RFX4: variants seen among roughly 807,000 people sequenced by gnomAD.
RFX4 encodes the protein regulatory factor X4.
In RFX4, 10 loss-of-function variants were observed where a neutral mutation model predicts 95.0. The observed-to-expected ratio is 0.11, with a 90% CI of 0.06 to 0.18. The LOEUF is 0.18. Ranked by LOEUF, RFX4 falls within the 10% of genes least tolerant of loss-of-function variation. The pLI is 1.00. For missense variants in RFX4, 640 were observed against 922.0 expected, an observed-to-expected ratio of 0.69 and a Z score of 3.96; for synonymous variants, 321 against 340.7, an observed-to-expected ratio of 0.94 and a Z score of 0.64.
intron 8 of RFX4, among the ~76,000 whole-genome samples, chr12:106,708,875 T>C (rs1379584252): frequency 3.3e-5 from 5 of 152,200 alleles, no homozygotes; most frequent in Non-Finnish European, 7.3e-5. Flanking sequence ...TTTAAAAATA[T>C]GCTGTTGCTT....
At chr12:106,616,267 A>G (rs2040071596) in intron 2 of RFX4, among the ~76,000 whole-genome samples, 1 of 152,140 alleles carries the variant, frequency 6.6e-6, no homozygotes, top group Admixed American at 6.6e-5. Context: ...CATCGGTTGA[A>G]TTTTGAATGT....
intron 2 of RFX4, among the ~76,000 whole-genome samples, chr12:106,631,772 G>C (rs376536184): frequency 3.9e-5 from 6 of 152,228 alleles, no homozygotes; most frequent in African/African-American, 1.2e-4. Flanking sequence ...AGCCTGAATG[G>C]ATTAAAATGA....
chr12:106,685,857 T>C (rs1379044599), intron 5 of RFX4, among the ~76,000 whole-genome samples: 1 of 152,354 alleles, frequency 6.6e-6, no homozygotes, highest in East Asian at 1.9e-4. Flanking sequence ...TTGGTTATTT[T>C]ACAAATTAAT....
intron 3 of RFX4, among the ~76,000 whole-genome samples, chr12:106,642,282 T>C (rs2040649418): frequency 6.6e-6 from 1 of 151,348 alleles, no homozygotes; most frequent in Admixed American, 6.6e-5. Context: ...AGTGCTAGGA[T>C]TACAGGTGTG....
intron 4 of RFX4, among the ~76,000 whole-genome samples, chr12:106,660,477 G>A (rs2041049344): frequency 6.6e-6 from 1 of 151,816 alleles, no homozygotes; most frequent in Non-Finnish European, 1.5e-5. Context: ...TTGTCTTTCA[G>A]AAACTCTAAT....
chr12:106,695,839 G>A (rs547479962), intron 7 of RFX4, among the ~76,000 whole-genome samples: 8 of 152,244 alleles, frequency 5.3e-5, no homozygotes, highest in South Asian at 2.1e-4. Context: ...TTTTACCCGC[G>A]ACTCCCATAC....
At chr12:106,685,943 A>G (rs1232791723) in intron 5 of RFX4, among the ~76,000 whole-genome samples, 2 of 152,272 alleles carry the variant, frequency 1.3e-5, no homozygotes, top group South Asian at 2.1e-4. Context: ...TAAAATCTAA[A>G]CAAAATGCAG....
At chr12:106,685,004 T>G in intron 5 of RFX4, 2 of 1,576,058 alleles carry the variant, frequency 1.3e-6, no homozygotes, top group South Asian at 2.3e-5. Context: ...CAAAATGCCT[T>G]CTCATCTGTA....
chr12:106,666,720 T>C (rs1005821148), intron 4 of RFX4, among the ~76,000 whole-genome samples: 1 of 152,236 alleles, frequency 6.6e-6, no homozygotes, highest in Non-Finnish European at 1.5e-5. Flanking sequence ...TCTTAATTTC[T>C]GTTACAGTGT....
In RFX4 at chr12:106,745,109, C is replaced by T. The variant is rs1005865964; in HGVS notation, c.1634-2328C>T. 4.6e-5 allele frequency among the ~76,000 whole-genome samples: 7 copies of T among 152,144 alleles called. No homozygotes were observed. In the East Asian group the frequency reaches 1.2e-3, roughly 25 times the overall value. The stretch of plus-strand genomic sequence containing the variant: ...GAAGAATTTGGGCGGCATGTTTCAC[C>T]TCATTCTGAATTGCATTTTTTGCCT... On this transcript the variant is annotated intron_variant, in intron 15 of 17. Transcript: ENST00000392842.
At chr12:106,699,285 T>G (rs2041942564) in intron 8 of RFX4, among the ~76,000 whole-genome samples, 1 of 152,204 alleles carries the variant, frequency 6.6e-6, no homozygotes, top group Non-Finnish European at 1.5e-5. Flanking sequence ...TAGTAATATA[T>G]CAATTCTTTT....
chr12:106,617,550 C>G (rs1012815591), intron 2 of RFX4, among the ~76,000 whole-genome samples: 6 of 152,084 alleles, frequency 3.9e-5, no homozygotes, highest in African/African-American at 1.4e-4. Context: ...TCCTAATTGT[C>G]TTTCTGTTGT....
At chr12:106,623,107 C>T (rs1393847502) in intron 2 of RFX4, among the ~76,000 whole-genome samples, 2 of 142,930 alleles carry the variant, frequency 1.4e-5, no homozygotes, top group Admixed American at 7.4e-5. Flanking sequence ...GGCATGAAAT[C>T]GGCTCACTGC....
At chr12:106,713,255 C>T (rs992952225) in intron 10 of RFX4, among the ~76,000 whole-genome samples, 2 of 152,216 alleles carry the variant, frequency 1.3e-5, no homozygotes, top group African/African-American at 2.4e-5. Context: ...CTAAGATTCA[C>T]GTCCAGGCTC....
At chr12:106,643,685 C>A (rs1393684067) in intron 3 of RFX4, among the ~76,000 whole-genome samples, 1 of 152,030 alleles carries the variant, frequency 6.6e-6, no homozygotes, top group Non-Finnish European at 1.5e-5. Flanking sequence ...GCAATCACTT[C>A]TTTCCTTTGT....
At chr12:106,614,291 G>C (rs2040022547) in intron 2 of RFX4, among the ~76,000 whole-genome samples, 1 of 151,954 alleles carries the variant, frequency 6.6e-6, no homozygotes, top group South Asian at 2.1e-4. Flanking sequence ...CTCCCAAGTA[G>C]CTGGGACTAC....
At chr12:106,610,001 G>T (rs1161950242) in intron 2 of RFX4, among the ~76,000 whole-genome samples, 2 of 152,272 alleles carry the variant, frequency 1.3e-5, no homozygotes, top group East Asian at 3.9e-4. Context: ...GTCTCTAGCA[G>T]TAGTTATTTC....
At chr12:106,737,721 T>A (rs1408658405) in intron 15 of RFX4, among the ~76,000 whole-genome samples, 1 of 152,126 alleles carries the variant, frequency 6.6e-6, no homozygotes, top group Non-Finnish European at 1.5e-5. Flanking sequence ...CTAAGGAAAT[T>A]GGATTCTTCA....
At chr12:106,677,788 T>C (rs1035666251) in intron 4 of RFX4, among the ~76,000 whole-genome samples, 7 of 151,904 alleles carry the variant, frequency 4.6e-5, no homozygotes, top group Non-Finnish European at 1.0e-4. Context: ...GTTTCTGTGG[T>C]CCAGGCAGTG....
Sources: gnomAD v4.1 joint callset for allele counts (sites outside exome capture counted in the v4.1 genomes callset) on GRCh38, gnomAD v4.1.1 for gene constraint, MANE v1.5 for transcripts, NCBI Gene and HGNC (gene_info 2026-07-23, HGNC 2026-07-21) for gene names.